The following INTS15 variants were observed in gnomAD, a reference collection of about 807,000 sequenced individuals.
INTS15 encodes integrator complex subunit 15.
the INTS15 span, chr7:6,608,226 G>T: frequency 3.5e-5 from 53 of 1,526,844 alleles, no homozygotes; most frequent in Non-Finnish European, 4.4e-5. Flanking sequence ...AGGGGTGGCC[G>T]GACTCCCAGA....
chr7:6,594,526 A>T, the INTS15 span: 1 of 1,614,066 alleles, frequency 6.2e-7, no homozygotes, highest in East Asian at 2.2e-5. Flanking sequence ...ACGCTGAAGC[A>T]GATATTCAGT....
the INTS15 span, among the ~76,000 whole-genome samples, chr7:6,604,971 C>A: frequency 6.6e-6 from 1 of 152,046 alleles, no homozygotes; most frequent in South Asian, 2.1e-4. Flanking sequence ...TTCCTCTCCT[C>A]TTTTTCTTTT....
At chr7:6,601,931 A>G in the INTS15 span, among the ~76,000 whole-genome samples, 3 of 152,350 alleles carry the variant, frequency 2.0e-5, no homozygotes, top group South Asian at 6.2e-4. Context: ...TGCTGGGAAT[A>G]CAGGCGTGAG....
the INTS15 span, chr7:6,600,083 A>C: frequency 6.2e-7 from 1 of 1,614,160 alleles, no homozygotes. Context: ...GGGCGTGGGG[A>C]TGGACAGAGA....
chr7:6,601,163 G>T, the INTS15 span, among the ~76,000 whole-genome samples: 1 of 152,084 alleles, frequency 6.6e-6, no homozygotes, highest in African/African-American at 2.4e-5. Context: ...TAGAGTCAGG[G>T]TCTCACCATC....
the INTS15 span, chr7:6,590,317 G>C: frequency 6.3e-7 from 1 of 1,589,688 alleles, no homozygotes; most frequent in Non-Finnish European, 8.5e-7. Flanking sequence ...GCTGCGCCGC[G>C]ATGCGCTGAG....
the INTS15 span, chr7:6,602,227 T>C: frequency 8.9e-7 from 1 of 1,125,402 alleles, no homozygotes; most frequent in East Asian, 2.5e-5. Context: ...TTGTCCTGGG[T>C]TCTTTGGGGA....
At chr7:6,605,355 G>C in the INTS15 span, among the ~76,000 whole-genome samples, 1 of 152,154 alleles carries the variant, frequency 6.6e-6, no homozygotes, top group South Asian at 2.1e-4. Context: ...GTTGGTATCA[G>C]CTGGCACCTT....
the INTS15 span, among the ~76,000 whole-genome samples, chr7:6,605,921 A>C: frequency 3.3e-5 from 5 of 151,608 alleles, no homozygotes; most frequent in African/African-American, 1.2e-4. Flanking sequence ...CTGGCCTCGA[A>C]CTCCTGACCT....
the INTS15 span, among the ~76,000 whole-genome samples, chr7:6,596,805 C>T: frequency 6.6e-6 from 1 of 152,208 alleles, no homozygotes; most frequent in East Asian, 1.9e-4. Context: ...TTTTTGGAGA[C>T]AGAGTCTCGC....
chr7:6,594,357 G>A, the INTS15 span: 1 of 1,433,534 alleles, frequency 7.0e-7, no homozygotes, highest in Non-Finnish European at 9.7e-7. Context: ...TTCTGGAGGT[G>A]GTCACTGTGT....
the INTS15 span, chr7:6,607,870 C>T: frequency 3.9e-6 from 6 of 1,552,044 alleles, no homozygotes; most frequent in South Asian, 5.8e-5. The surrounding 1 kb of genome is among the most constrained non-coding windows in gnomAD (Gnocchi z 6.0). Context: ...CTCTCCTGGG[C>T]GGGGTGCGGG....
chr7:6,596,610 C>T, the INTS15 span, among the ~76,000 whole-genome samples: 2 of 151,650 alleles, frequency 1.3e-5, no homozygotes, highest in African/African-American at 4.8e-5. Context: ...AACTCCTGAC[C>T]TCAGATGATC....
At chr7:6,602,242 C>A in the INTS15 span, 1 of 885,858 alleles carries the variant, frequency 1.1e-6, no homozygotes, top group Non-Finnish European at 1.8e-6. Flanking sequence ...TGGGGAGAGC[C>A]CAGTAAGCAC....
At chr7:6,592,332 G>A in the INTS15 span, among the ~76,000 whole-genome samples, 1 of 151,914 alleles carries the variant, frequency 6.6e-6, no homozygotes, top group East Asian at 2.0e-4. Flanking sequence ...TTGGGAGGCC[G>A]AAGGGGGGCA....
the INTS15 span, chr7:6,608,229 C>T: frequency 6.6e-7 from 1 of 1,525,084 alleles, no homozygotes; most frequent in Non-Finnish European, 8.8e-7. Context: ...GGTGGCCGGA[C>T]TCCCAGAAGA....
At chr7:6,602,226 G>A in the INTS15 span, 14 of 1,134,664 alleles carry the variant, frequency 1.2e-5, no homozygotes, top group Non-Finnish European at 1.8e-5. Flanking sequence ...TTTGTCCTGG[G>A]TTCTTTGGGG....
chr7:6,597,769 G>C, the INTS15 span, among the ~76,000 whole-genome samples: 1 of 152,186 alleles, frequency 6.6e-6, no homozygotes, highest in African/African-American at 2.4e-5. Context: ...TGAGATGTTG[G>C]TGATTTCTCA....
chr7:6,590,147 G>GGCGGCAGGCGGGCAAGCGGGCGGGT, the INTS15 span: 4 of 679,366 alleles, frequency 5.9e-6, no homozygotes, highest in Non-Finnish European at 8.4e-6. Context: ...GGGAGCAGGC[G>GGCGGCAGGCGGGCAAGCGGGCGGGT]GCGGCAGGCG....
Sources: allele counts gnomAD v4.1 joint callset (sites outside exome capture counted in the v4.1 genomes callset), GRCh38; gene constraint gnomAD v4.1.1; non-coding constraint Gnocchi (gnomAD v3.1); transcripts MANE v1.5; gene names NCBI Gene and HGNC (gene_info 2026-07-23, HGNC 2026-07-21).